KIAA1217: variants seen among roughly 807,000 people sequenced by gnomAD.
KIAA1217 encodes the protein sickle tail protein homolog.
A neutral mutation model predicts 163.9 loss-of-function variants in KIAA1217; 88 were observed. The ratio of observed to expected loss-of-function variants is 0.54; its 90% CI spans 0.45 to 0.64. The LOEUF (loss-of-function observed/expected upper bound fraction) is 0.64, where lower values mean the gene tolerates loss of function less well. Ranked by LOEUF, KIAA1217 falls within the 30% of genes least tolerant of loss-of-function variation. The pLI is 0.00. For missense variants in KIAA1217, 2,372 were observed against 2,475.0 expected (o/e 0.96, Z 0.88); for synonymous variants, 903 against 923.1 (o/e 0.98, Z 0.39).
At chr10:23,865,230 G>C (rs1004178865) in intron 1 of KIAA1217, among the ~76,000 whole-genome samples, 1 of 151,974 alleles carries the variant, frequency 6.6e-6, no homozygotes, top group African/African-American at 2.4e-5. Flanking sequence ...CCTTTGTCCT[G>C]GTCAGCACAG....
intron 1 of KIAA1217, among the ~76,000 whole-genome samples, chr10:23,877,654 G>C (rs540655632): frequency 3.3e-5 from 5 of 152,100 alleles, no homozygotes; most frequent in African/African-American, 1.2e-4. Context: ...CACAACGTGT[G>C]TCTTTAAAAA....
chr10:24,376,534 G>C (rs1173278419), intron 2 of KIAA1217, among the ~76,000 whole-genome samples: 2 of 152,172 alleles, frequency 1.3e-5, no homozygotes, highest in African/African-American at 4.8e-5. Flanking sequence ...AGACTGAGAT[G>C]AAAGGATCGC....
At chr10:23,761,547 T>C (rs1471441550) in intron 1 of KIAA1217, among the ~76,000 whole-genome samples, 1 of 152,178 alleles carries the variant, frequency 6.6e-6, no homozygotes, top group Non-Finnish European at 1.5e-5. Context: ...TCAATTTCCA[T>C]GTAATTGTAT....
intron 2 of KIAA1217, among the ~76,000 whole-genome samples, chr10:24,105,060 A>T (rs2062570362): frequency 8.5e-6 from 1 of 117,844 alleles, no homozygotes; most frequent in Non-Finnish European, 1.8e-5. Context: ...CCACTGCAAG[A>T]TGATGATGAT....
intron 9 of KIAA1217, among the ~76,000 whole-genome samples, chr10:24,504,906 G>A (rs1375375670): frequency 6.6e-6 from 1 of 152,154 alleles, no homozygotes; most frequent in Non-Finnish European, 1.5e-5. Flanking sequence ...ACCACTAAAA[G>A]CTTGTTCATG....
rs1319015684 is a variant in KIAA1217 at position 23,918,743 on chromosome 10, C to T, written c.-320-88482C>T. 3.1e-3 allele frequency among the ~76,000 whole-genome samples: 474 copies of T among 151,340 alleles called. 6 individuals are homozygous for T. The highest frequency in any genetic ancestry group is 0.011 in the African/African-American group (437 of 41,404). ...TAAGAATTAAATATATACACACACA[C>T]ACACACACACACACACACACACATA... On this transcript the variant is annotated intron_variant, in intron 1 of 18. Coordinates refer to the KIAA1217 transcript ENST00000376462.
intron 2 of KIAA1217, among the ~76,000 whole-genome samples, chr10:24,176,364 T>A (rs2065890598): frequency 6.6e-6 from 1 of 151,534 alleles, no homozygotes; most frequent in Non-Finnish European, 1.5e-5. Flanking sequence ...CCCCACTAGA[T>A]TAGCTAGAAA....
At chr10:24,195,325 G>C (rs180866609) in intron 2 of KIAA1217, among the ~76,000 whole-genome samples, 225 of 152,234 alleles carry the variant, frequency 1.5e-3, no homozygotes, top group African/African-American at 5.3e-3. Context: ...GACCCTGACC[G>C]AGAAAACCAT....
intron 2 of KIAA1217, among the ~76,000 whole-genome samples, chr10:24,067,460 T>A (rs1286886334): frequency 2.0e-5 from 3 of 152,260 alleles, no homozygotes; most frequent in African/African-American, 7.2e-5. Flanking sequence ...GAACAGCGGA[T>A]ATTGGTGAAC....
intron 2 of KIAA1217, among the ~76,000 whole-genome samples, chr10:24,310,032 C>T (rs1382830387): frequency 2.0e-5 from 3 of 152,324 alleles, no homozygotes; most frequent in Admixed American, 6.5e-5. Flanking sequence ...TAGTTTCTCA[C>T]GTGTTGGTGC....
At chr10:23,787,619 A>T (rs564300142) in intron 1 of KIAA1217, among the ~76,000 whole-genome samples, 1 of 152,204 alleles carries the variant, frequency 6.6e-6, no homozygotes, top group Non-Finnish European at 1.5e-5. Context: ...GAAGCATGCC[A>T]CTGGAGGAGT....
At chr10:23,894,575 G>T (rs1259724962) in intron 1 of KIAA1217, among the ~76,000 whole-genome samples, 29,257 of 142,178 alleles carry the variant, frequency 0.21, 3,351 homozygotes, top group Middle Eastern at 0.3. Context: ...CCAAGGTAAT[G>T]GATAGATTCA....
intron 6 of KIAA1217, among the ~76,000 whole-genome samples, chr10:24,489,117 C>T (rs187243478): frequency 3.7e-4 from 56 of 152,184 alleles, no homozygotes; most frequent in Non-Finnish European, 4.7e-4. Flanking sequence ...GCGGAACCAC[C>T]TAGTAGGGAC....
At chr10:24,125,285 T>G (rs192729193) in intron 2 of KIAA1217, among the ~76,000 whole-genome samples, 3 of 150,928 alleles carry the variant, frequency 2.0e-5, no homozygotes, top group African/African-American at 4.9e-5. Context: ...GAAAAGAAAG[T>G]TGGTTGGTAA....
chr10:24,531,208 TA>T (rs934849087), intron 14 of KIAA1217, among the ~76,000 whole-genome samples: 1 of 151,876 alleles, frequency 6.6e-6, no homozygotes, highest in African/African-American at 2.4e-5. Context: ...ATCTACAAAA[TA>T]AAAAAAATTA....
At chr10:23,878,494 A>C (rs142787117) in intron 1 of KIAA1217, among the ~76,000 whole-genome samples, 1 of 152,044 alleles carries the variant, frequency 6.6e-6, no homozygotes, top group East Asian at 2.0e-4. Context: ...TCTATTTCAG[A>C]TGGGAAGCCC....
intron 1 of KIAA1217, among the ~76,000 whole-genome samples, chr10:23,867,491 T>C (rs1472007198): frequency 2.0e-5 from 3 of 152,210 alleles, no homozygotes; most frequent in Non-Finnish European, 2.9e-5. Context: ...TTCCTATTTC[T>C]TGACATCCTC....
At chr10:24,405,177 G>A (rs1412128536) in intron 3 of KIAA1217, among the ~76,000 whole-genome samples, 1 of 152,040 alleles carries the variant, frequency 6.6e-6, no homozygotes, top group Non-Finnish European at 1.5e-5. Context: ...AAGCTCTGTG[G>A]GTTGCAGCAA....
At chr10:24,435,727 G>A (rs928483606) in intron 4 of KIAA1217, among the ~76,000 whole-genome samples, 2 of 152,136 alleles carry the variant, frequency 1.3e-5, no homozygotes, top group Admixed American at 6.6e-5. Context: ...AAATGAGAGG[G>A]AGGAAAAAGA....
Sources: gnomAD v4.1 joint callset for allele counts (sites outside exome capture counted in the v4.1 genomes callset) on GRCh38, gnomAD v4.1.1 for gene constraint, MANE v1.5 for transcripts, NCBI Gene and HGNC (gene_info 2026-07-23, HGNC 2026-07-21) for gene names.